The following RELN variants were observed in gnomAD, a reference collection of about 807,000 sequenced individuals.
The protein encoded by RELN is reelin.
In RELN, 108 loss-of-function variants were observed where a neutral mutation model predicts 427.6. That is an observed-to-expected ratio of 0.25 (90% CI 0.22 to 0.30). RELN has a LOEUF of 0.30. Among genes scored for constraint, RELN ranks in the 10% least tolerant of loss-of-function variants. The pLI, the probability that RELN is intolerant of heterozygous loss-of-function variation, is 1.00. For synonymous variants in RELN, 1,524 were observed against 1,513.4 expected (o/e 1.01, Z -0.16); for missense variants, 3,715 against 4,302.8 (o/e 0.86, Z 3.82).
At chr7:103,982,686 G>C (rs999938308) in intron 1 of RELN, among the ~76,000 whole-genome samples, 11 of 152,110 alleles carry the variant, frequency 7.2e-5, no homozygotes, top group African/African-American at 2.2e-4. Flanking sequence ...GGGAAAGGCA[G>C]AGAGAGAGGA....
rs1472376727 is a variant in RELN, at chr7:103,866,428, A to G, written c.338-32756T>C. Among the ~76,000 whole-genome samples, 10 of 152,220 alleles carry G rather than the reference A, an allele frequency of 6.6e-5. 1 individual carries two copies. Among genetic ancestry groups the G allele is most frequent in the African/African-American group, 2.4e-4 (10 of 41,554 alleles). On this transcript the variant is annotated intron_variant, in intron 2 of 64. Coordinates refer to ENST00000428762, the MANE Select transcript of RELN (RefSeq NM_005045.4). The stretch of plus-strand genomic sequence containing the variant: ...AGCAAGCATGAGCTGGCTTCTCTTT[A>G]GGGATGGATATAGCTTTGGTAACCC...
chr7:103,646,206 C>A (rs769717044), intron 16 of RELN, among the ~76,000 whole-genome samples: 1 of 151,506 alleles, frequency 6.6e-6, no homozygotes, highest in Non-Finnish European at 1.5e-5. Context: ...TATTGCACCT[C>A]AGGGAACTAG....
chr7:103,703,289 C>A (rs533874186), intron 8 of RELN, among the ~76,000 whole-genome samples: 86 of 152,306 alleles, frequency 5.6e-4, no homozygotes, highest in African/African-American at 2.0e-3. Flanking sequence ...CCCGGTGTAG[C>A]TGTATGTATA....
intron 6 of RELN, among the ~76,000 whole-genome samples, chr7:103,734,367 T>C (rs1046335441): frequency 2.0e-5 from 3 of 152,176 alleles, no homozygotes; most frequent in African/African-American, 7.2e-5. Flanking sequence ...GTTTCTGTAA[T>C]CTAAGAATGC....
chr7:103,550,956 G>T lies in RELN; in HGVS notation c.6302+111C>A, dbSNP rs1315073313. ...TCCACTGATCTGCTTGAGAACAGAG[G>T]AAGAAACGTCAGGTGGAAATTTCCC... On this transcript the variant is annotated intron_variant, in intron 41 of 64. Coordinates refer to ENST00000428762, the MANE Select transcript of RELN (RefSeq NM_005045.4). The T allele has an allele frequency of 8.2e-6, 7 of 850,632 alleles. No individual in the cohort carries two copies. The African/African-American group carries it at 1.2e-4, about 14-fold the overall frequency. The allele number at this position is 850,632 out of a possible 1,614,324, so 52.7% of individuals were successfully genotyped here. A position where few individuals can be genotyped will look rare whatever the true frequency, so the allele number is the denominator to read the frequency against.
intron 2 of RELN, among the ~76,000 whole-genome samples, chr7:103,865,132 CAAAAA>C (rs386410871): frequency 1.5e-5 from 1 of 67,198 alleles, no homozygotes; most frequent in African/African-American, 6.4e-5. Context: ...GAAACTGTCT[CAAAAA>C]AAAAAAAAAA....
intron 4 of RELN, among the ~76,000 whole-genome samples, chr7:103,757,725 C>T (rs1397821412): frequency 6.6e-6 from 1 of 152,050 alleles, no homozygotes; most frequent in African/African-American, 2.4e-5. Context: ...AAGGTGTGCA[C>T]AGAGGGAGAT....
intron 2 of RELN, among the ~76,000 whole-genome samples, chr7:103,843,773 G>C (rs913789112): frequency 1.3e-5 from 2 of 152,156 alleles, no homozygotes; most frequent in African/African-American, 4.8e-5. Context: ...TTGGGTCTGT[G>C]TGACCACTGA....
chr7:103,851,424 T>C (rs1793819068), intron 2 of RELN, among the ~76,000 whole-genome samples: 1 of 152,046 alleles, frequency 6.6e-6, no homozygotes, highest in Non-Finnish European at 1.5e-5. Context: ...ATCTCACACA[T>C]CACCACTAAA....
chr7:103,579,708 C>T (rs139480097), intron 28 of RELN, among the ~76,000 whole-genome samples: 1 of 151,842 alleles, frequency 6.6e-6, no homozygotes, highest in Non-Finnish European at 1.5e-5. Flanking sequence ...AAGAAGATAT[C>T]ATTCTTTCCC....
chr7:103,713,204 T>G (rs905165903), intron 8 of RELN, among the ~76,000 whole-genome samples: 3 of 152,222 alleles, frequency 2.0e-5, no homozygotes, highest in African/African-American at 7.2e-5. Flanking sequence ...TGAGGATTCC[T>G]GCAGCGCGAG....
chr7:103,512,336 A>G (rs1829446321), intron 50 of RELN, among the ~76,000 whole-genome samples: 1 of 152,240 alleles, frequency 6.6e-6, no homozygotes. Flanking sequence ...TAAATAGATT[A>G]TTTAAGAAAT....
chr7:103,955,739 CA>C (rs1796420173), intron 1 of RELN, among the ~76,000 whole-genome samples: 1 of 152,166 alleles, frequency 6.6e-6, no homozygotes, highest in Non-Finnish European at 1.5e-5. Flanking sequence ...CGAACCCAGA[CA>C]AGAAACTCCA....
chr7:103,517,051 A>G (rs1465487516), intron 49 of RELN, among the ~76,000 whole-genome samples: 3 of 152,180 alleles, frequency 2.0e-5, no homozygotes, highest in Non-Finnish European at 4.4e-5. Context: ...TCTAGAAAGT[A>G]TCAATCTTAG....
chr7:103,805,672 G>A (rs1792580758), intron 3 of RELN, among the ~76,000 whole-genome samples: 1 of 152,192 alleles, frequency 6.6e-6, no homozygotes, highest in South Asian at 2.1e-4. Context: ...AGATGTGCAA[G>A]ATTGTTCACA....
chr7:103,831,812 A>C (rs1338595228), intron 3 of RELN, among the ~76,000 whole-genome samples: 1 of 152,150 alleles, frequency 6.6e-6, no homozygotes, highest in East Asian at 1.9e-4. Context: ...TTCAGAAAGG[A>C]GTTTGAGGCT....
At chr7:103,756,633 C>T (rs111385204) in intron 4 of RELN, among the ~76,000 whole-genome samples, 8 of 152,074 alleles carry the variant, frequency 5.3e-5, no homozygotes, top group African/African-American at 1.9e-4. Context: ...AGAATAGACA[C>T]ATAACATTGT....
At chr7:103,490,025 C>T in intron 59 of RELN, 126 bp from the exon 60 acceptor site, 4 of 1,085,978 alleles carry the variant, frequency 3.7e-6, no homozygotes, top group South Asian at 1.3e-5. Context: ...CTTCCTGAAG[C>T]ACCCTGCTGG....
rs1830125425 is a variant in RELN at position 103,539,342 on chromosome 7, T to TA, written c.6931-16dup. ...CCAATAAGAATCTGAAATGTATTTT[T>TA]AAAAAATCCCAAATTTTCCATTTAG... On this transcript the variant is annotated splice_polypyrimidine_tract_variant and intron_variant, in intron 44 of 64. Transcript: ENST00000428762. The TA allele has an allele frequency of 1.7e-5, 28 of 1,612,390 alleles. No homozygotes were observed. The highest frequency in any genetic ancestry group is 2.4e-5 in the Non-Finnish European group (28 of 1,178,572).
Sources: allele counts gnomAD v4.1 joint callset (sites outside exome capture counted in the v4.1 genomes callset), GRCh38; gene constraint gnomAD v4.1.1; transcripts MANE v1.5; gene names NCBI Gene and HGNC (gene_info 2026-07-23, HGNC 2026-07-21).